The following LMNA variants were observed in gnomAD, a reference collection of about 807,000 sequenced individuals.
LMNA encodes the protein lamin.
Under a neutral mutation model 70.4 loss-of-function variants are expected in LMNA, and 20 were observed. The ratio of observed to expected loss-of-function variants is 0.28; its 90% CI spans 0.20 to 0.41. The LOEUF (loss-of-function observed/expected upper bound fraction) is 0.41. Among genes scored for constraint, LMNA ranks in the 10% least tolerant of loss-of-function variants. The pLI, the probability that LMNA is intolerant of heterozygous loss-of-function variation, is 1.00. For missense variants in LMNA, 652 were observed against 917.2 expected, an observed-to-expected ratio of 0.71 and a Z score of 3.73; for synonymous variants, 339 against 372.8, an observed-to-expected ratio of 0.91 and a Z score of 1.04.
intron 3 of LMNA, among the ~76,000 whole-genome samples, chr1:156,108,120 A>ATT (rs1042088471): frequency 6.6e-6 from 1 of 152,066 alleles, no homozygotes; most frequent in African/African-American, 2.4e-5. Context: ...ACCTCATAAG[A>ATT]TTGAGGTGAA....
chr1:156,084,094 C>T (rs1648381418), intron 2 of LMNA, among the ~76,000 whole-genome samples: 1 of 152,056 alleles, frequency 6.6e-6, no homozygotes, highest in Non-Finnish European at 1.5e-5. Context: ...GTGGGTGAGC[C>T]ACAGTGGTAA....
At chr1:156,132,560 CT>C (rs1651166410) in intron 2 of LMNA, among the ~76,000 whole-genome samples, 1 of 152,160 alleles carries the variant, frequency 6.6e-6, no homozygotes, top group Non-Finnish European at 1.5e-5. Flanking sequence ...ACAGTCTCAT[CT>C]GTTCATAGTG....
Position 156,139,916 on chromosome 1 carries a change from G to A in LMNA, c.*810G>A. 2 of 1,327,188 alleles carry A rather than the reference G, an allele frequency of 1.5e-6. No homozygotes were observed. Among genetic ancestry groups the A allele is most frequent in the Non-Finnish European group, 2.0e-6 (2 of 1,003,570 alleles). The allele number at this position is 1,327,188 out of a possible 1,614,324, so 82.2% of individuals were successfully genotyped here. Reference sequence around the variant, plus strand: ...GGGTGCTGGGAGGAGGGAGAGGGAGGTCACTGGAAAGGGGAGAGCCTGCTG... The same window carrying A: ...GGGTGCTGGGAGGAGGGAGAGGGAGATCACTGGAAAGGGGAGAGCCTGCTG... On this transcript the variant is annotated 3_prime_UTR_variant, in exon 12 of 12. Coordinates refer to ENST00000368300, the MANE Select transcript of LMNA (RefSeq NM_170707.4).
At chr1:156,132,874 C>CT (rs1456971104) in intron 2 of LMNA, among the ~76,000 whole-genome samples, 1 of 127,704 alleles carries the variant, frequency 7.8e-6, no homozygotes, top group Non-Finnish European at 1.6e-5. Flanking sequence ...GAGTCTTACT[C>CT]TGTCACCCAG....
chr1:156,085,049 T>C (rs942826759), intron 2 of LMNA, among the ~76,000 whole-genome samples: 1 of 152,188 alleles, frequency 6.6e-6, no homozygotes, highest in Non-Finnish European at 1.5e-5. Context: ...CAAGAATGAA[T>C]CAGCCCTCTG....
chr1:156,136,674 T>A lies in LMNA; in HGVS notation c.1380+238T>A. On this transcript the variant is annotated intron_variant, in intron 7 of 11. Transcript: ENST00000368300. The surrounding 1 kb of genome is among the most constrained non-coding windows in gnomAD (Gnocchi z 6.1). Reference sequence around the variant, plus strand: ...AGTTTCCTCATCTGTAAAATGGGGATGAATACTGATCCCTAAGTCTTTGAG... The same window carrying A: ...AGTTTCCTCATCTGTAAAATGGGGAAGAATACTGATCCCTAAGTCTTTGAG... 1.5e-6 allele frequency: 1 copy of A among 667,132 alleles called. No individual in the cohort carries two copies. The highest frequency in any genetic ancestry group is 2.7e-6 in the Non-Finnish European group (1 of 373,228). 41.3% of individuals were successfully genotyped at this position (667,132 alleles called of 1,614,324 possible).
At chr1:156,130,269 G>A (rs1479861765) in intron 1 of LMNA, among the ~76,000 whole-genome samples, 1 of 152,162 alleles carries the variant, frequency 6.6e-6, no homozygotes, top group Non-Finnish European at 1.5e-5. Flanking sequence ...TGTGTGGGAA[G>A]GGGCAGGAGA....
In LMNA at chr1:156,138,518, G is replaced by A. The variant is rs1439261714; in HGVS notation, c.1729G>A (p.Ala577Thr). The change falls in exon 11 of 12, where the codon GCT becomes ACT. Residue 577 changes from alanine (A) to threonine (T), a missense_variant. Ala to Thr is a moderately conservative substitution (Grantham distance 58). Coordinates refer to ENST00000368300, the MANE Select transcript of LMNA (RefSeq NM_170707.4). The surrounding 1 kb of genome is among the most constrained non-coding windows in gnomAD (Gnocchi z 5.5). Reference sequence around the variant, plus strand: ...CCACTGCAGCAGCTCGGGGGACCCCGCTGAGTACAACCTGCGCTCGCGCAC... The same window carrying A: ...CCACTGCAGCAGCTCGGGGGACCCCACTGAGTACAACCTGCGCTCGCGCAC... The part of the protein sequence containing the change: ...GSHCSSSGDP[A>T]EYNLRSRTVL... 10 of 1,612,488 alleles carry A rather than the reference G, an allele frequency of 6.2e-6. No individual in the cohort carries two copies. The East Asian group carries it at 8.9e-5, about 14-fold the overall frequency.
chr1:156,096,177 C>T (rs1474477425), intron 3 of LMNA, among the ~76,000 whole-genome samples: 1 of 152,096 alleles, frequency 6.6e-6, no homozygotes, highest in Non-Finnish European at 1.5e-5. Flanking sequence ...CTTTGCCCAT[C>T]TCTCCTCCTC....
intron 1 of LMNA, among the ~76,000 whole-genome samples, chr1:156,120,721 AAAAAC>A (rs147085214): frequency 0.017 from 2,558 of 152,246 alleles, 80 homozygotes; most frequent in African/African-American, 0.059. Context: ...TGAAAAAGAA[AAAAAC>A]AAAACAAAAC....
intron 1 of LMNA, 139 bp from the exon 2 acceptor site, chr1:156,130,478 C>A: frequency 1.0e-6 from 1 of 954,536 alleles, no homozygotes; most frequent in Non-Finnish European, 1.7e-6. Context: ...AGATGCAAAC[C>A]AACCTAATGC....
Position 156,139,745 on chromosome 1 carries a change from G to A in LMNA, c.*639G>A, listed in dbSNP as rs185169879. ...GTCCATTCTCCCAGGTACCAGCTGC[G>A]CTTGCTTTTCTGTATTTTATTTAGA... On this transcript the variant is annotated 3_prime_UTR_variant, in exon 12 of 12. Transcript: ENST00000368300. 17,287 of 1,531,882 alleles carry A rather than the reference G, an allele frequency of 0.011. 109 individuals carry two copies. The highest frequency in any genetic ancestry group is 0.033 in the Middle Eastern group (168 of 5,094). 94.9% of individuals were successfully genotyped at this position (1,531,882 alleles called of 1,614,324 possible).
chr1:156,132,042 A>G (rs2430415), intron 2 of LMNA, among the ~76,000 whole-genome samples: 16,345 of 152,068 alleles, frequency 0.11, 1,632 homozygotes, highest in African/African-American at 0.26. Flanking sequence ...GGTGGCACAC[A>G]CCTGTAGTCC....
chr1:156,138,985 G>C lies in LMNA; in HGVS notation c.1969-95G>C. On this transcript the variant is annotated intron_variant, in intron 11 of 11. Transcript: ENST00000368300. This position sits in a 1 kb window ranked among gnomAD's most constrained non-coding sequence, Gnocchi z 5.5. ...GGGGCAGGGCTGGAGTGTGAGGGAT[G>C]GGGGAGATGCTACCTCCCTTCTAGG... The C allele has an allele frequency of 2.9e-6, 4 of 1,401,156 alleles. No homozygotes were observed. Among genetic ancestry groups the C allele is most frequent in the East Asian group, 4.6e-5 (2 of 43,840 alleles). 86.8% of individuals were successfully genotyped at this position (1,401,156 alleles called of 1,614,324 possible). A position where few individuals can be genotyped will look rare whatever the true frequency, so the allele number is the denominator to read the frequency against.
chr1:156,124,408 C>T (rs500940), intron 1 of LMNA, among the ~76,000 whole-genome samples: 15,810 of 152,056 alleles, frequency 0.1, 1,505 homozygotes, highest in African/African-American at 0.25. Flanking sequence ...CCTGCCTCAG[C>T]CTCCCAAGTA....
rs1651824856 is a variant in LMNA, at chr1:156,138,076, C to G, written c.1698+333C>G. 3.7e-6 allele frequency: 2 copies of G among 540,526 alleles called. No individual in the cohort carries two copies. Among genetic ancestry groups the G allele is most frequent in the Non-Finnish European group, 6.6e-6 (2 of 300,806 alleles). 33.5% of individuals were successfully genotyped at this position (540,526 alleles called of 1,614,324 possible). A position where few individuals can be genotyped will look rare whatever the true frequency, so the allele number is the denominator to read the frequency against. On this transcript the variant is annotated intron_variant, in intron 10 of 11. Transcript: ENST00000368300. This position sits in a 1 kb window ranked among gnomAD's most constrained non-coding sequence, Gnocchi z 5.5. ...GGCATGCCCGCCCTGCCTCTCTCCCCCATTCTTGTTGCATGCATATCCTCT... is the reference window on the plus strand; with the variant it reads ...GGCATGCCCGCCCTGCCTCTCTCCCGCATTCTTGTTGCATGCATATCCTCT...
chr1:156,131,819 G>C (rs1651098365), intron 2 of LMNA, among the ~76,000 whole-genome samples: 1 of 152,178 alleles, frequency 6.6e-6, no homozygotes, highest in Non-Finnish European at 1.5e-5. Flanking sequence ...ATAATGCTTT[G>C]TGTATATAGA....
In LMNA at chr1:156,115,403, C is replaced by T; in HGVS notation, c.356+129C>T. 3.7e-6 allele frequency: 3 copies of T among 815,284 alleles called. No individual in the cohort carries two copies. The highest frequency in any genetic ancestry group is 3.3e-4 in the Middle Eastern group (1 of 3,012). 50.5% of individuals were successfully genotyped at this position (815,284 alleles called of 1,614,324 possible). A position where few individuals can be genotyped will look rare whatever the true frequency, so the allele number is the denominator to read the frequency against. On this transcript the variant is annotated intron_variant, in intron 1 of 11. Transcript: ENST00000368300. This position sits in a 1 kb window ranked among gnomAD's most constrained non-coding sequence, Gnocchi z 5.8. ...ATAACTTTGCCATAGTCTCCTCCCT[C>T]CCCGGAACTGCCCCCAGCGGGTGAC...
chr1:156,128,136 C>CAT lies in LMNA; in HGVS notation c.357-2479_357-2478dup, dbSNP rs1408025193. ...AATTGCATAGGAATAGCACCTATCG[C>CAT]ATAGGGTAGCTGTGAAGATGACGTG... On this transcript the variant is annotated intron_variant, in intron 1 of 11. Transcript: ENST00000368300. Among the ~76,000 whole-genome samples, 10 of 152,144 alleles carry CAT rather than the reference C, an allele frequency of 6.6e-5. No individual in the cohort carries two copies. In the South Asian group the frequency reaches 8.3e-4, roughly 13 times the overall value.
Sources: gnomAD v4.1 joint callset for allele counts (sites outside exome capture counted in the v4.1 genomes callset) on GRCh38, gnomAD v4.1.1 for gene constraint, Gnocchi (gnomAD v3.1) non-coding constraint, MANE v1.5 for transcripts, NCBI Gene and HGNC (gene_info 2026-07-23, HGNC 2026-07-21) for gene names.